OTOF: variants seen among roughly 807,000 people sequenced by gnomAD.
OTOF encodes the protein otoferlin.
OTOF carries 218 observed loss-of-function variants against 236.8 expected under a neutral mutation model. The ratio of observed to expected loss-of-function variants is 0.92; its 90% CI spans 0.82 to 1.03. The LOEUF (loss-of-function observed/expected upper bound fraction) is 1.03, where lower values mean the gene tolerates loss of function less well. Among genes scored for constraint, OTOF ranks in the 50% least tolerant of loss-of-function variants. The probability of loss-of-function intolerance (pLI) is 0.00; values close to 1 mark genes in which losing one functional copy is unlikely to be tolerated. For synonymous variants in OTOF, 1,041 were observed against 1,072.5 expected (o/e 0.97, Z 0.57); for missense variants, 2,590 against 2,694.4 (o/e 0.96, Z 0.86).
Position 26,520,731 on chromosome 2 carries a change from T to C in OTOF, c.228-1622A>G, listed in dbSNP as rs565505666. On this transcript the variant is annotated intron_variant, in intron 3 of 46. Coordinates refer to ENST00000272371, the MANE Select transcript of OTOF (RefSeq NM_194248.3). ...TGCCCCTGAGTCTCAATTTGGTCTT[T>C]ATAAAATGAAGAGGGAAGGGGACTT... Among the ~76,000 whole-genome samples, 4 of 152,338 alleles carry C rather than the reference T, an allele frequency of 2.6e-5. No individual in the cohort carries two copies. In the South Asian group the frequency reaches 8.3e-4, roughly 32 times the overall value.
At position 26,497,089 on chromosome 2, in the gene OTOF, C is replaced by CTTTTTTTT. The variant is rs201349303; in HGVS notation, c.766-2024_766-2017dup. 2.6e-4 allele frequency among the ~76,000 whole-genome samples: 25 copies of CTTTTTTTT among 97,768 alleles called. 1 individual carries two copies. Among genetic ancestry groups the CTTTTTTTT allele is most frequent in the South Asian group, 4.2e-4 (1 of 2,374 alleles). The allele number at this position is 97,768 out of a possible 152,430, so 64.1% of individuals were successfully genotyped here. On this transcript the variant is annotated intron_variant, in intron 8 of 46. Transcript: ENST00000272371. Reference sequence around the variant, plus strand: ...TAAGCATGGACCTCTGTACATTCTTCTTTTTTTTTTTTTTTTTTTTTTTTT... The same window carrying CTTTTTTTT: ...TAAGCATGGACCTCTGTACATTCTTCTTTTTTTTTTTTTTTTTTTTTTTTTTTTTTTTT...
At chr2:26,486,029 T>C (rs1305379420) in intron 11 of OTOF, among the ~76,000 whole-genome samples, 2 of 152,062 alleles carry the variant, frequency 1.3e-5, no homozygotes, top group Non-Finnish European at 2.9e-5. Flanking sequence ...AATGGGTGCA[T>C]AAATGGGCAG....
At chr2:26,502,596 C>T (rs1246573020) in intron 6 of OTOF, among the ~76,000 whole-genome samples, 170 bp from the exon 7 acceptor site, 1 of 152,162 alleles carries the variant, frequency 6.6e-6, no homozygotes, top group Non-Finnish European at 1.5e-5. Context: ...TACCTAATCC[C>T]GATCTTGGAT....
At chr2:26,532,978 G>T (rs1361316724) in intron 2 of OTOF, among the ~76,000 whole-genome samples, 1 of 152,142 alleles carries the variant, frequency 6.6e-6, no homozygotes, top group Non-Finnish European at 1.5e-5. Context: ...TAGAGCAGGG[G>T]TCCCCATATC....
intron 11 of OTOF, 102 bp from the exon 12 acceptor site, chr2:26,484,735 G>A (rs535998297): frequency 1.8e-4 from 209 of 1,189,004 alleles, no homozygotes; most frequent in Non-Finnish European, 2.3e-4. Flanking sequence ...TGCTGTCTTG[G>A]TCCCTAGAGT....
intron 2 of OTOF, among the ~76,000 whole-genome samples, chr2:26,530,586 C>A (rs1329217107): frequency 6.6e-6 from 1 of 152,122 alleles, no homozygotes. Context: ...CCTTTCTTTC[C>A]TCCCCTGTCT....
rs771298805 is a variant in OTOF, at chr2:26,516,464, C to G, written c.463G>C (p.Gly155Arg). The G allele has an allele frequency of 3.7e-6, 6 of 1,613,858 alleles. No individual in the cohort carries two copies. The highest frequency in any genetic ancestry group is 5.1e-6 in the Non-Finnish European group (6 of 1,180,014). The change falls in exon 5 of 47, where the codon GGC becomes CGC. Residue 155 changes from glycine (G) to arginine (R), a missense_variant. Gly to Arg is a moderately radical substitution (Grantham distance 125). Around this residue, in one of 2 missense-constraint regions of OTOF, gnomAD observed 1,379 missense variants for 1,341.6 expected, o/e 1.03. Transcript: ENST00000272371. ...DSQETDGLLP[G>R]SRPSSRPPGE... ...GGGGGCCGGGAGCTGGGCCGGGAGC[C>G]TGGGAGCAGTCCATCCGTCTCTTGG...
intron 1 of OTOF, among the ~76,000 whole-genome samples, chr2:26,546,174 A>G (rs957704617): frequency 1.3e-5 from 2 of 152,168 alleles, no homozygotes; most frequent in Non-Finnish European, 2.9e-5. Context: ...AGGAAGAGAA[A>G]CCATGGCCAG....
intron 5 of OTOF, among the ~76,000 whole-genome samples, chr2:26,506,478 GA>G (rs1433964824): frequency 6.6e-6 from 1 of 152,176 alleles, no homozygotes; most frequent in Non-Finnish European, 1.5e-5. Context: ...CCTGCCTGGA[GA>G]AGCCGGCTGC....
intron 46 of OTOF, among the ~76,000 whole-genome samples, chr2:26,459,476 C>T (rs1005523937): frequency 2.5e-4 from 37 of 148,978 alleles, no homozygotes; most frequent in Admixed American, 2.2e-3. Flanking sequence ...GGCGTGAACC[C>T]GGGAGGCGGA....
chr2:26,458,430 G>A (rs1004206923), intron 46 of OTOF, among the ~76,000 whole-genome samples: 13 of 152,206 alleles, frequency 8.5e-5, no homozygotes, highest in Non-Finnish European at 1.3e-4. Context: ...TTTGGGGCCC[G>A]AATCTCCTCC....
At position 26,477,162 on chromosome 2, in the gene OTOF, T is replaced by A; in HGVS notation, c.2523+10A>T. On this transcript the variant is annotated intron_variant, in intron 21 of 46. Transcript: ENST00000272371. The surrounding 1 kb of genome is among the most constrained non-coding windows in gnomAD (Gnocchi z 4.7). ...TGGATGAGGCAAAGCCCCGACCCCT[T>A]GGGCCGCACCTCGTCCGCCAGGAAG... is the stretch of plus-strand genomic sequence containing the variant. 6.2e-7 allele frequency: 1 copy of A among 1,608,024 alleles called. No homozygotes were observed. Among genetic ancestry groups the A allele is most frequent in the Non-Finnish European group, 8.5e-7 (1 of 1,178,288 alleles).
chr2:26,555,068 C>T (rs543928828), intron 1 of OTOF, among the ~76,000 whole-genome samples: 4 of 152,280 alleles, frequency 2.6e-5, no homozygotes, highest in South Asian at 2.1e-4. Flanking sequence ...AGAAGAACTT[C>T]GGGACCCTTC....
intron 39 of OTOF, among the ~76,000 whole-genome samples, chr2:26,464,435 ACCTCCCAAT>A (rs1422728847): frequency 6.6e-6 from 1 of 151,744 alleles, no homozygotes; most frequent in Non-Finnish European, 1.5e-5. Context: ...CAGCACAGAC[ACCTCCCAAT>A]TCTCTGCTTC....
chr2:26,501,951 G>C (rs1447523371), intron 7 of OTOF, 143 bp from the exon 8 acceptor site: 2 of 714,938 alleles, frequency 2.8e-6, no homozygotes, highest in African/African-American at 3.5e-5. Context: ...AGAATAGTGA[G>C]GATTAGTTGT....
chr2:26,526,515 A>G (rs1386889546), intron 3 of OTOF, among the ~76,000 whole-genome samples: 1 of 152,190 alleles, frequency 6.6e-6, no homozygotes, highest in Non-Finnish European at 1.5e-5. Flanking sequence ...GAATGGATCA[A>G]TGGATGGATG....
Position 26,462,219 on chromosome 2 carries a change from G to A in OTOF, c.5193-38C>T. 4 of 1,575,064 alleles carry A rather than the reference G, an allele frequency of 2.5e-6. No individual in the cohort carries two copies. The highest frequency in any genetic ancestry group is 2.6e-6 in the Non-Finnish European group (3 of 1,144,754). ...AGAGAAGGCTGGTTAGCAGCCCCAGGTGGGGGTTATGCCAGGGTGCCAGGG... is the reference window on the plus strand; with the variant it reads ...AGAGAAGGCTGGTTAGCAGCCCCAGATGGGGGTTATGCCAGGGTGCCAGGG... On this transcript the variant is annotated intron_variant, in intron 41 of 46. Coordinates refer to ENST00000272371, the MANE Select transcript of OTOF (RefSeq NM_194248.3). This position sits in a 1 kb window ranked among gnomAD's most constrained non-coding sequence, Gnocchi z 4.7.
At chr2:26,492,567 G>T (rs966974897) in intron 9 of OTOF, among the ~76,000 whole-genome samples, 1 of 152,138 alleles carries the variant, frequency 6.6e-6, no homozygotes, top group Non-Finnish European at 1.5e-5. Flanking sequence ...CCTTCATCTC[G>T]GCAGCCTCCA....
In OTOF at chr2:26,480,959, G is replaced by T; in HGVS notation, c.1630C>A (p.Arg544Ser). 6 of 1,609,504 alleles carry T rather than the reference G, an allele frequency of 3.7e-6. No homozygotes were observed. Among genetic ancestry groups the T allele is most frequent in the Non-Finnish European group, 5.1e-6 (6 of 1,178,598 alleles). Residue 544 changes from arginine (R) to serine (S), a missense_variant, in exon 15 of 47, where the codon CGT becomes AGT. Physicochemically the swap from Arg to Ser is moderately radical, Grantham distance 110. Coordinates refer to ENST00000272371, the MANE Select transcript of OTOF (RefSeq NM_194248.3). Reference protein sequence around the residue: ...PAWVNMYGSTRNYTLLDEHQD... With the variant: ...PAWVNMYGSTSNYTLLDEHQD... ...TGCTCATCCAGCAGCGTGTAGTTACGTGTGGAGCCGTACATGTTCACCCAG... is the reference window on the plus strand; with the variant it reads ...TGCTCATCCAGCAGCGTGTAGTTACTTGTGGAGCCGTACATGTTCACCCAG...
Sources: gnomAD v4.1 joint callset for allele counts (sites outside exome capture counted in the v4.1 genomes callset) on GRCh38, gnomAD v4.1.1 for gene constraint, gnomAD v4.1.1 regional missense constraint, Gnocchi (gnomAD v3.1) non-coding constraint, MANE v1.5 for transcripts, NCBI Gene and HGNC (gene_info 2026-07-23, HGNC 2026-07-21) for gene names.